The following CABIN1 variants were observed in gnomAD, a reference collection of about 807,000 sequenced individuals.
The protein encoded by CABIN1 is calcineurin binding protein 1, also known as calcineurin-binding protein cabin-1.
CABIN1 carries 133 observed loss-of-function variants against 227.7 expected under a neutral mutation model. That is an observed-to-expected ratio of 0.58 (90% CI 0.51 to 0.67). The LOEUF is 0.67. Ranked by LOEUF, CABIN1 falls within the 30% of genes least tolerant of loss-of-function variation. The pLI, the probability that CABIN1 is intolerant of heterozygous loss-of-function variation, is 0.00. For synonymous variants in CABIN1, 1,086 were observed against 1,155.1 expected, an observed-to-expected ratio of 0.94 and a Z score of 1.21; for missense variants, 2,408 against 2,852.5, an observed-to-expected ratio of 0.84 and a Z score of 3.55.
rs148725065 is a variant in CABIN1, at chr22:24,082,341, C to T, written c.2749-887C>T. Among the ~76,000 whole-genome samples the T allele has an allele frequency of 1.7e-3, 264 of 152,230 alleles. 2 individuals are homozygous for T. Among genetic ancestry groups the T allele is most frequent in the African/African-American group, 6.0e-3 (251 of 41,542 alleles). The stretch of plus-strand genomic sequence containing the variant: ...CTGGGCTCAAGCGATCCTCCCACCT[C>T]GGCCTCCCAAAGTGCTGGAATTACA... On this transcript the variant is annotated intron_variant, in intron 19 of 36. Coordinates refer to ENST00000263119, the MANE Select transcript of CABIN1 (RefSeq NM_012295.4).
At chr22:24,156,652 G>T (rs761063856) in intron 29 of CABIN1, 1 of 152,300 alleles carries the variant, frequency 6.6e-6, no homozygotes, top group Non-Finnish European at 1.5e-5. Flanking sequence ...GTGCTGTGCG[G>T]GGACAGGAAG....
chr22:24,120,504 A>G (rs2043346947), intron 28 of CABIN1, among the ~76,000 whole-genome samples: 1 of 152,124 alleles, frequency 6.6e-6, no homozygotes, highest in Non-Finnish European at 1.5e-5. Flanking sequence ...ATGTAGCTAC[A>G]TTCTAAGGGG....
chr22:24,084,551 C>T (rs200315901), intron 20 of CABIN1, 28 bp from the exon 21 acceptor site: 1 of 1,572,316 alleles, frequency 6.4e-7, no homozygotes, highest in East Asian at 2.2e-5. Flanking sequence ...GAATGTGTTA[C>T]TAATCTGCCT....
intron 12 of CABIN1, among the ~76,000 whole-genome samples, chr22:24,060,942 C>T (rs1246292602): frequency 6.6e-6 from 1 of 152,076 alleles, no homozygotes; most frequent in Non-Finnish European, 1.5e-5. Context: ...ATGGGGGTCT[C>T]CTTTTGTTAC....
intron 19 of CABIN1, among the ~76,000 whole-genome samples, chr22:24,078,802 A>G (rs1449896826): frequency 6.6e-6 from 1 of 152,164 alleles, no homozygotes; most frequent in Admixed American, 6.5e-5. Context: ...AATAAGAGTT[A>G]ACAAGAAAGC....
In CABIN1 at chr22:24,166,870, C is replaced by T. The variant is rs148733148; in HGVS notation, c.5239C>T (p.Arg1747Trp). 312 of 1,611,822 alleles carry T rather than the reference C, an allele frequency of 1.9e-4. No individual in the cohort carries two copies. The African/African-American group carries it at 3.5e-3, about 18-fold the overall frequency. Reference protein sequence around the residue: ...AGDSADQSGERKDKESPRAGP... With the variant: ...AGDSADQSGEWKDKESPRAGP... The stretch of plus-strand genomic sequence containing the variant: ...AGACAGTGCAGACCAAAGCGGGGAG[C>T]GGAAGGATAAAGAGAGCCCACGGGC... Residue 1747 changes from arginine (R) to tryptophan (W), a missense_variant, in exon 32 of 37, where the codon CGG becomes TGG. Arg to Trp is a moderately radical substitution (Grantham distance 101). Coordinates refer to ENST00000263119, the MANE Select transcript of CABIN1 (RefSeq NM_012295.4).
At chr22:24,124,960 T>A (rs2043629585) in intron 28 of CABIN1, among the ~76,000 whole-genome samples, 1 of 152,128 alleles carries the variant, frequency 6.6e-6, no homozygotes, top group Non-Finnish European at 1.5e-5. Context: ...TACAAATCTA[T>A]AATATACTAA....
intron 22 of CABIN1, among the ~76,000 whole-genome samples, chr22:24,086,056 C>T (rs1033038924): frequency 6.6e-6 from 1 of 152,206 alleles, no homozygotes; most frequent in East Asian, 1.9e-4. Context: ...AGCCAGTTTG[C>T]AAGACTTGTG....
At chr22:24,035,698 G>A (rs1472566839) in intron 2 of CABIN1, among the ~76,000 whole-genome samples, 178 bp downstream of exon 2, 1 of 152,024 alleles carries the variant, frequency 6.6e-6, no homozygotes, top group African/African-American at 2.4e-5. Context: ...TGGTTGAAGC[G>A]GCTTGCAGGA....
At chr22:24,012,329 T>C (rs936201617) in intron 1 of CABIN1, among the ~76,000 whole-genome samples, 2 of 152,304 alleles carry the variant, frequency 1.3e-5, no homozygotes, top group African/African-American at 2.4e-5. Flanking sequence ...TGATTTTTTT[T>C]CCCAAATATG....
At chr22:24,069,894 G>A (rs1223296687) in intron 16 of CABIN1, among the ~76,000 whole-genome samples, 1 of 152,168 alleles carries the variant, frequency 6.6e-6, no homozygotes, top group Non-Finnish European at 1.5e-5. Context: ...GCCGCTGCCA[G>A]GCCTGGGCTG....
chr22:24,041,322 G>T, intron 5 of CABIN1, 49 bp downstream of exon 5: 1 of 1,612,830 alleles, frequency 6.2e-7, no homozygotes, highest in Non-Finnish European at 8.5e-7. Flanking sequence ...AAAGCTCTTG[G>T]TGGAGGGGAT....
intron 29 of CABIN1, 62 bp downstream of exon 29, chr22:24,134,477 G>T: frequency 1.4e-6 from 2 of 1,387,126 alleles, no homozygotes; most frequent in South Asian, 1.2e-5. Flanking sequence ...CACTGAAGGC[G>T]CATGAATTGA....
chr22:24,174,732 G>A (rs2047011318), intron 34 of CABIN1, among the ~76,000 whole-genome samples: 1 of 152,144 alleles, frequency 6.6e-6, no homozygotes, highest in Non-Finnish European at 1.5e-5. Flanking sequence ...TTGGCCAGAG[G>A]CCTCAGCTCC....
At chr22:24,102,042 G>T (rs1397609334) in intron 26 of CABIN1, among the ~76,000 whole-genome samples, 2 of 152,200 alleles carry the variant, frequency 1.3e-5, no homozygotes, top group Non-Finnish European at 1.5e-5. Flanking sequence ...TGAGCTGAGG[G>T]CAGGTAGGCA....
chr22:24,177,996 G>A lies in CABIN1; in HGVS notation c.6520-57G>A, dbSNP rs912560208. On this transcript the variant is annotated intron_variant, in intron 36 of 36. Transcript: ENST00000263119. This position sits in a 1 kb window ranked among gnomAD's most constrained non-coding sequence, Gnocchi z 4.4. ...GGGGCAGGGGTGAAGGTGGCAGAGG[G>A]GCTTGGGGCAGAGCCCAGCCATCCT... 30 of 1,609,508 alleles carry A rather than the reference G, an allele frequency of 1.9e-5. No homozygotes were observed. The Admixed American group carries it at 3.2e-4, about 17-fold the overall frequency.
At chr22:24,133,851 C>T (rs2044224248) in intron 28 of CABIN1, among the ~76,000 whole-genome samples, 1 of 152,236 alleles carries the variant, frequency 6.6e-6, no homozygotes, top group South Asian at 2.1e-4. Context: ...AGATCACTGA[C>T]CTAAGCACTG....
At chr22:24,169,910 C>T (rs1198721156) in intron 33 of CABIN1, among the ~76,000 whole-genome samples, 1 of 152,228 alleles carries the variant, frequency 6.6e-6, no homozygotes, top group Non-Finnish European at 1.5e-5. Context: ...TATTGGGGCC[C>T]CTGAGGGCTG....
intron 1 of CABIN1, among the ~76,000 whole-genome samples, chr22:24,027,754 C>T (rs1227371815): frequency 2.6e-5 from 4 of 152,368 alleles, no homozygotes; most frequent in Non-Finnish European, 4.4e-5. Context: ...CGCAGTGATG[C>T]AGTAAGGCCT....
Sources: allele counts gnomAD v4.1 joint callset (sites outside exome capture counted in the v4.1 genomes callset), GRCh38; gene constraint gnomAD v4.1.1; non-coding constraint Gnocchi (gnomAD v3.1); transcripts MANE v1.5; gene names NCBI Gene and HGNC (gene_info 2026-07-23, HGNC 2026-07-21).